VPS13D: variants seen among roughly 807,000 people sequenced by gnomAD.
VPS13D encodes the protein vacuolar protein sorting 13 homolog D, also known as intermembrane lipid transfer protein VPS13D.
Under a neutral mutation model 461.9 loss-of-function variants are expected in VPS13D, and 187 were observed. That is an observed-to-expected ratio of 0.40 (90% CI 0.36 to 0.46). The LOEUF is 0.46. Among genes scored for constraint, VPS13D ranks in the 20% least tolerant of loss-of-function variants. VPS13D has a pLI of 0.60. For synonymous variants in VPS13D, 1,951 were observed against 1,986.3 expected (o/e 0.98, Z 0.47); for missense variants, 4,711 against 5,364.9 (o/e 0.88, Z 3.81).
At chr1:12,491,334 G>C (rs1317954927) in intron 67 of VPS13D, among the ~76,000 whole-genome samples, 2 of 152,144 alleles carry the variant, frequency 1.3e-5, no homozygotes, top group Non-Finnish European at 2.9e-5. Flanking sequence ...GATAGACATT[G>C]GCCATGACAG....
Position 12,304,494 on chromosome 1 carries a change from G to A in VPS13D, c.6217-12G>A. 6.2e-7 allele frequency: 1 copy of A among 1,606,296 alleles called. No individual in the cohort carries two copies. Among genetic ancestry groups the A allele is most frequent in the South Asian group, 1.1e-5 (1 of 90,070 alleles). On this transcript the variant is annotated splice_polypyrimidine_tract_variant and intron_variant, in intron 25 of 69. Coordinates refer to ENST00000620676, the MANE Select transcript of VPS13D (RefSeq NM_015378.4). Reference sequence around the variant, plus strand: ...ATTTCCTGCATTCTAGTTTTATTTTGTTCCTTCCCAGGAATCTGTGCCTTC... The same window carrying A: ...ATTTCCTGCATTCTAGTTTTATTTTATTCCTTCCCAGGAATCTGTGCCTTC...
chr1:12,378,705 T>C, intron 56 of VPS13D, 114 bp downstream of exon 56: 2 of 1,160,852 alleles, frequency 1.7e-6, no homozygotes, highest in Non-Finnish European at 1.1e-6. Context: ...TATATTTTTT[T>C]CAATGACAAA....
chr1:12,484,183 C>G (rs1645764904), intron 67 of VPS13D, among the ~76,000 whole-genome samples: 1 of 152,164 alleles, frequency 6.6e-6, no homozygotes, highest in African/African-American at 2.4e-5. Flanking sequence ...AGTAAAAATC[C>G]TGCTGTGCCT....
intron 60 of VPS13D, among the ~76,000 whole-genome samples, chr1:12,394,462 A>G (rs759969497): frequency 1.5e-4 from 23 of 152,184 alleles, no homozygotes; most frequent in Non-Finnish European, 2.8e-4. Flanking sequence ...GAGTGCTGCC[A>G]CTTGGCAACC....
chr1:12,328,193 C>T (rs1020860294), intron 36 of VPS13D, among the ~76,000 whole-genome samples: 2 of 152,050 alleles, frequency 1.3e-5, no homozygotes, highest in Non-Finnish European at 2.9e-5. Context: ...CAGATAAGCT[C>T]AGACAATAAT....
intron 65 of VPS13D, among the ~76,000 whole-genome samples, chr1:12,445,355 C>A (rs1645179547): frequency 6.6e-6 from 1 of 152,234 alleles, no homozygotes; most frequent in African/African-American, 2.4e-5. Context: ...TCAGGATAGG[C>A]CGTGTAGCCA....
intron 13 of VPS13D, among the ~76,000 whole-genome samples, chr1:12,264,820 A>G (rs905614675): frequency 2.0e-5 from 3 of 152,240 alleles, no homozygotes; most frequent in Non-Finnish European, 4.4e-5. Context: ...TTCATTGTAG[A>G]TGAAAAGGCC....
intron 57 of VPS13D, among the ~76,000 whole-genome samples, chr1:12,382,480 C>T (rs764197155): frequency 5.3e-5 from 8 of 152,140 alleles, no homozygotes; most frequent in Non-Finnish European, 8.8e-5. Flanking sequence ...AGAAGAAACA[C>T]CATCTTTTGA....
chr1:12,314,727 TACTG>T (rs1642844314), intron 30 of VPS13D, among the ~76,000 whole-genome samples: 2 of 152,250 alleles, frequency 1.3e-5, no homozygotes, highest in Non-Finnish European at 2.9e-5. Flanking sequence ...ATTCAAGTCT[TACTG>T]ACTCATTATC....
At chr1:12,236,693 T>C (rs1043375393) in intron 2 of VPS13D, among the ~76,000 whole-genome samples, 11 of 152,156 alleles carry the variant, frequency 7.2e-5, no homozygotes, top group African/African-American at 2.4e-4. Flanking sequence ...GAGAATGTCA[T>C]TTCAATCCAT....
intron 39 of VPS13D, chr1:12,336,126 G>T: frequency 7.4e-6 from 2 of 269,222 alleles, no homozygotes; most frequent in South Asian, 5.7e-5. Context: ...ATCAGGATCA[G>T]CTGTGGTTTG....
At position 12,234,193 on chromosome 1, in the gene VPS13D, T is replaced by A; in HGVS notation, c.-74T>A. 8.9e-7 allele frequency: 1 copy of A among 1,123,084 alleles called. No homozygotes were observed. The highest frequency in any genetic ancestry group is 1.3e-6 in the Non-Finnish European group (1 of 761,632). The allele number at this position is 1,123,084 out of a possible 1,614,324, so 69.6% of individuals were successfully genotyped here. On this transcript the variant is annotated splice_region_variant and 5_prime_UTR_variant, in exon 2 of 70. Transcript: ENST00000620676. ...TTTTCATTATTTTCCTTTCATAGATTTTTCTGTGACCATGAAAGAGAGAAA... is the reference window on the plus strand; with the variant it reads ...TTTTCATTATTTTCCTTTCATAGATATTTCTGTGACCATGAAAGAGAGAAA...
chr1:12,302,399 A>G (rs969684020), intron 25 of VPS13D, among the ~76,000 whole-genome samples: 1 of 152,182 alleles, frequency 6.6e-6, no homozygotes, highest in African/African-American at 2.4e-5. Flanking sequence ...TCCTTATCAG[A>G]TATATCTATG....
chr1:12,306,801 A>G (rs1168103835), intron 26 of VPS13D, among the ~76,000 whole-genome samples: 6 of 152,192 alleles, frequency 3.9e-5, no homozygotes, highest in Non-Finnish European at 7.3e-5. Context: ...GTTCCACCGC[A>G]GATCATCAGG....
rs75328801 is a variant in VPS13D, at chr1:12,430,800, G to T, written c.12333+13973G>T. Among the ~76,000 whole-genome samples the T allele has an allele frequency of 9.7e-3, 1,475 of 152,292 alleles. 24 individuals carry two copies. The highest frequency in any genetic ancestry group is 0.034 in the African/African-American group (1,404 of 41,566). On this transcript the variant is annotated intron_variant, in intron 65 of 69. Transcript: ENST00000620676. Reference sequence around the variant, plus strand: ...AATGCTTGGTTCTATAGTCTCAGCGGGTCATGCAAATCTCCAGTCCTACGA... The same window carrying T: ...AATGCTTGGTTCTATAGTCTCAGCGTGTCATGCAAATCTCCAGTCCTACGA...
rs767255448 is a variant in VPS13D, at chr1:12,373,826, C to T, written c.10885C>T (p.Pro3629Ser). The T allele has an allele frequency of 2.5e-6, 4 of 1,607,418 alleles. No homozygotes were observed. Among genetic ancestry groups the T allele is most frequent in the African/African-American group, 1.3e-5 (1 of 74,306 alleles). ...TCAELVLDVSPKTQRVILKKK... is the reference protein window; with the variant it reads ...TCAELVLDVSSKTQRVILKKK... ...TGCGGAGCTCGTTTTGGATGTCTCA[C>T]CCAAGACACAAAGAGTCATTTTAAA... The change falls in exon 55 of 70, where the codon CCC (proline) becomes TCC (serine). Residue 3629 changes from proline to serine, a missense_variant. Pro to Ser is a moderately conservative substitution (Grantham distance 74). Transcript: ENST00000620676.
At chr1:12,396,029 A>ATATATATATAT (rs1553187933) in intron 60 of VPS13D, among the ~76,000 whole-genome samples, 2 of 119,826 alleles carry the variant, frequency 1.7e-5, no homozygotes, top group African/African-American at 3.8e-5. Context: ...ATATATATAT[A>ATATATATATAT]GTTCTTTAAG....
At chr1:12,246,180 T>C (rs1417420942) in intron 5 of VPS13D, among the ~76,000 whole-genome samples, 2 of 152,146 alleles carry the variant, frequency 1.3e-5, no homozygotes, top group Non-Finnish European at 2.9e-5. Flanking sequence ...GCTGTGAATG[T>C]CATTAGGCTA....
chr1:12,482,523 A>G (rs559297916), intron 67 of VPS13D, among the ~76,000 whole-genome samples: 2 of 152,242 alleles, frequency 1.3e-5, no homozygotes, highest in African/African-American at 4.8e-5. Flanking sequence ...CTGAAAATAC[A>G]TACAATATAT....
Sources: allele counts gnomAD v4.1 joint callset (sites outside exome capture counted in the v4.1 genomes callset), GRCh38; gene constraint gnomAD v4.1.1; transcripts MANE v1.5; gene names NCBI Gene and HGNC (gene_info 2026-07-23, HGNC 2026-07-21).